The following HDAC4 variants were observed in gnomAD, a reference collection of about 807,000 sequenced individuals.
HDAC4 encodes histone deacetylase A.
A neutral mutation model predicts 135.1 loss-of-function variants in HDAC4; 16 were observed. The observed-to-expected ratio is 0.12, with a 90% CI of 0.08 to 0.18. The LOEUF (loss-of-function observed/expected upper bound fraction) is 0.18. Ranked by LOEUF, HDAC4 falls within the 10% of genes least tolerant of loss-of-function variation. The probability of loss-of-function intolerance (pLI) is 1.00; values close to 1 mark genes in which losing one functional copy is unlikely to be tolerated. For missense variants in HDAC4, 1,143 were observed against 1,511.8 expected (o/e 0.76, Z 4.05); for synonymous variants, 685 against 653.4 (o/e 1.05, Z -0.74).
At chr2:239,379,340 G>A (rs899865335) in intron 1 of HDAC4, among the ~76,000 whole-genome samples, 1 of 152,192 alleles carries the variant, frequency 6.6e-6, no homozygotes, top group African/African-American at 2.4e-5. Flanking sequence ...GGTGCCAGGA[G>A]AAAGCAGAGC....
At position 239,172,510 on chromosome 2, in the gene HDAC4, C is replaced by A. The variant is rs150723305; in HGVS notation, c.490+3903G>T. Among the ~76,000 whole-genome samples the A allele has an allele frequency of 4.5e-4, 69 of 151,942 alleles. No homozygotes were observed. The East Asian group carries it at 0.01, about 23-fold the overall frequency. On this transcript the variant is annotated intron_variant, in intron 5 of 26. Transcript: ENST00000543185. ...AACTTGTGGGATGCAGATAAAGTTG[C>A]ATTTAGAGGAAAATGTATAGCTATA...
At chr2:239,201,781 A>T (rs904313418) in intron 3 of HDAC4, among the ~76,000 whole-genome samples, 3 of 152,258 alleles carry the variant, frequency 2.0e-5, no homozygotes, top group Admixed American at 2.0e-4. Flanking sequence ...TGCTAAAAAT[A>T]AAAAGCTACA....
At chr2:239,191,098 T>TC in intron 3 of HDAC4, 1 of 433,904 alleles carries the variant, frequency 2.3e-6, no homozygotes, top group Non-Finnish European at 4.7e-6. Flanking sequence ...CCTGCTCCCC[T>TC]CCCACAGGCC....
chr2:239,236,344 T>C (rs991141269), intron 3 of HDAC4, among the ~76,000 whole-genome samples: 3 of 152,062 alleles, frequency 2.0e-5, no homozygotes, highest in African/African-American at 7.3e-5. Context: ...GAACACATCC[T>C]TTAGCACCAG....
intron 1 of HDAC4, among the ~76,000 whole-genome samples, chr2:239,396,879 G>A (rs565625576): frequency 5.9e-5 from 9 of 152,304 alleles, no homozygotes; most frequent in African/African-American, 1.7e-4. Context: ...AAGCTGCTCC[G>A]GCTGAAGTGG....
At chr2:239,108,490 G>T (rs536203269) in intron 14 of HDAC4, among the ~76,000 whole-genome samples, 119 of 152,272 alleles carry the variant, frequency 7.8e-4, no homozygotes, top group African/African-American at 2.8e-3. Context: ...GGAGAAAACA[G>T]TGATGAGGAG....
chr2:239,294,709 G>A (rs536959192), intron 2 of HDAC4, among the ~76,000 whole-genome samples: 128 of 151,964 alleles, frequency 8.4e-4, no homozygotes, highest in African/African-American at 3.0e-3. Flanking sequence ...GAGCAGGTGG[G>A]CCTGCCTCGG....
intron 24 of HDAC4, among the ~76,000 whole-genome samples, chr2:239,062,441 G>C (rs1408357895): frequency 2.0e-5 from 3 of 152,248 alleles, no homozygotes; most frequent in Non-Finnish European, 4.4e-5. Context: ...GCCAACTCTT[G>C]TGCATTAAAG....
At chr2:239,094,834 G>A (rs1206224720) in intron 17 of HDAC4, 176 bp downstream of exon 17, 10 of 1,505,676 alleles carry the variant, frequency 6.6e-6, no homozygotes, top group South Asian at 5.0e-5. Flanking sequence ...TGCCCGAGTC[G>A]GCGATCAAAA....
At chr2:239,315,651 G>C (rs1038888854) in intron 2 of HDAC4, among the ~76,000 whole-genome samples, 1 of 152,124 alleles carries the variant, frequency 6.6e-6, no homozygotes, top group Non-Finnish European at 1.5e-5. Flanking sequence ...TCAACCACTG[G>C]GACAAACAGG....
At chr2:239,086,707 G>A (rs1206403274) in intron 19 of HDAC4, among the ~76,000 whole-genome samples, 1 of 152,222 alleles carries the variant, frequency 6.6e-6, no homozygotes, top group East Asian at 1.9e-4. Flanking sequence ...CCTGGCCACA[G>A]CCTGATAGTG....
intron 1 of HDAC4, among the ~76,000 whole-genome samples, chr2:239,368,943 T>C (rs1694412305): frequency 6.6e-6 from 1 of 152,108 alleles, no homozygotes; most frequent in Non-Finnish European, 1.5e-5. Context: ...CCTGCTGCTG[T>C]GATTATTCAC....
rs762892764 is a variant in HDAC4 at position 239,066,755 on chromosome 2, C to T, written c.2970G>A (p.Ser990=). 4.1e-5 allele frequency: 66 copies of T among 1,613,868 alleles called. No individual in the cohort carries two copies. The Middle Eastern group carries it at 4.9e-4, about 12-fold the overall frequency. ...GHDLTAICDA[S]EACVSALLGN... ...CCAGCAAGGCAGAAACACATGCTTC[C>T]GAGGCGTCGCAAATGGCGGTCAGGT... is the stretch of plus-strand genomic sequence containing the variant. Residue 990 remains serine, a synonymous_variant, in exon 24 of 27, where the codon TCG becomes TCA. Transcript: ENST00000543185.
chr2:239,128,187 A>T (rs113478690), intron 11 of HDAC4, among the ~76,000 whole-genome samples: 26 of 152,352 alleles, frequency 1.7e-4, no homozygotes, highest in African/African-American at 5.0e-4. Context: ...TACAGTGAAT[A>T]ACTAAAAATC....
intron 2 of HDAC4, among the ~76,000 whole-genome samples, chr2:239,277,520 G>A (rs537487924): frequency 3.3e-5 from 5 of 152,320 alleles, no homozygotes; most frequent in African/African-American, 4.8e-5. Context: ...GTGGCCCATC[G>A]CTGATCATCA....
chr2:239,070,180 G>C (rs2034028448), intron 22 of HDAC4, among the ~76,000 whole-genome samples: 1 of 149,916 alleles, frequency 6.7e-6, no homozygotes, highest in African/African-American at 2.4e-5. Flanking sequence ...GAGAGCCCTT[G>C]CCAGCCCTGC....
chr2:239,223,751 C>T (rs574208565), intron 3 of HDAC4, among the ~76,000 whole-genome samples: 22 of 152,096 alleles, frequency 1.4e-4, no homozygotes, highest in Admixed American at 9.2e-4. Flanking sequence ...CTCACACTCT[C>T]TGCCCAGCAA....
At chr2:239,063,009 C>A (rs965587035) in intron 24 of HDAC4, among the ~76,000 whole-genome samples, 1 of 152,140 alleles carries the variant, frequency 6.6e-6, no homozygotes, top group African/African-American at 2.4e-5. Context: ...CCCGCCAAGG[C>A]CCTGACCTTG....
At chr2:239,267,980 A>G (rs1393124241) in intron 2 of HDAC4, among the ~76,000 whole-genome samples, 25 of 152,232 alleles carry the variant, frequency 1.6e-4, no homozygotes. Context: ...AAACACACAC[A>G]CCAAGCTACA....
Sources: allele counts gnomAD v4.1 joint callset (sites outside exome capture counted in the v4.1 genomes callset), GRCh38; gene constraint gnomAD v4.1.1; transcripts MANE v1.5; gene names NCBI Gene and HGNC (gene_info 2026-07-23, HGNC 2026-07-21).